LINGO3: variants seen among roughly 807,000 people sequenced by gnomAD.
LINGO3 encodes leucine-rich repeat and immunoglobulin-like domain-containing nogo receptor-interacting protein 3.
For synonymous variants in LINGO3, 427 were observed against 444.2 expected, an observed-to-expected ratio of 0.96 and a Z score of 0.49; for missense variants, 750 against 867.7, an observed-to-expected ratio of 0.86 and a Z score of 1.70.
the LINGO3 span, among the ~76,000 whole-genome samples, chr19:2,298,892 G>A: frequency 2.0e-5 from 3 of 152,100 alleles, no homozygotes; most frequent in African/African-American, 7.2e-5. Context: ...GGCAAAATCA[G>A]GAAGTTTCCT....
At chr19:2,291,472 G>A (rs771957087) in exon 1 of LINGO3, 60 of 1,612,548 alleles carry the variant, frequency 3.7e-5, no homozygotes, top group South Asian at 7.7e-5. Context: ...GCGCAGGCGC[G>A]GCAGGTTGGC....
chr19:2,307,315 A>T, the LINGO3 span, among the ~76,000 whole-genome samples: 3 of 152,162 alleles, frequency 2.0e-5, no homozygotes, highest in Non-Finnish European at 4.4e-5. Flanking sequence ...TTAGCGCCCC[A>T]AGCACACGTT....
Position 2,291,555 on chromosome 19 carries a change from C to G in LINGO3, c.222G>C (p.Leu74=), listed in dbSNP as rs368475120. 49 of 1,591,834 alleles carry G rather than the reference C, an allele frequency of 3.1e-5. No homozygotes were observed. In the African/African-American group the frequency reaches 6.3e-4, roughly 21 times the overall value. ...GCTCCTCCAGCGCGGGCAGCGCGGC[C>G]AGGTCGCCCGGGTTCAGGCAGCGGA... is the stretch of plus-strand genomic sequence containing the variant. The change falls in exon 1 of 1, where the codon CTG becomes CTC. Residue 74 remains leucine, a synonymous_variant. Coordinates refer to ENST00000585527, the Ensembl canonical transcript of LINGO3.
At chr19:2,298,309 C>T in the LINGO3 span, among the ~76,000 whole-genome samples, 3 of 151,994 alleles carry the variant, frequency 2.0e-5, no homozygotes, top group African/African-American at 7.2e-5. Context: ...CGGCTCACTG[C>T]AGCCTCCACC....
chr19:2,306,273 G>A, the LINGO3 span, among the ~76,000 whole-genome samples: 1 of 152,218 alleles, frequency 6.6e-6, no homozygotes, highest in Non-Finnish European at 1.5e-5. Context: ...TCTGACGCCA[G>A]CTCCTACCCA....
the LINGO3 span, among the ~76,000 whole-genome samples, chr19:2,303,784 G>A: frequency 5.3e-5 from 8 of 152,220 alleles, no homozygotes; most frequent in African/African-American, 1.9e-4. Flanking sequence ...TTACCCACAC[G>A]CAGAGCTGTG....
upstream of LINGO3, among the ~76,000 whole-genome samples, chr19:2,293,685 C>G (rs564989454): frequency 1.3e-5 from 2 of 151,770 alleles, no homozygotes; most frequent in African/African-American, 4.8e-5. Context: ...TATGAAATGT[C>G]CAGGACAGGC....
the LINGO3 span, among the ~76,000 whole-genome samples, chr19:2,297,086 C>T: frequency 4.6e-5 from 7 of 150,684 alleles, no homozygotes; most frequent in Non-Finnish European, 8.9e-5. Context: ...AGCGAGACTC[C>T]GTCTCAAAAA....
At chr19:2,293,045 C>T (rs909025370), upstream of LINGO3, among the ~76,000 whole-genome samples, 1 of 149,046 alleles carries the variant, frequency 6.7e-6, no homozygotes, top group Non-Finnish European at 1.5e-5. Context: ...CACAAAAGGC[C>T]ACACTGTATG....
At chr19:2,301,926 T>TA in the LINGO3 span, among the ~76,000 whole-genome samples, 1 of 69,912 alleles carries the variant, frequency 1.4e-5, no homozygotes. Flanking sequence ...AGACTCCATC[T>TA]CAAAAAAAAA....
At chr19:2,307,109 A>G in the LINGO3 span, among the ~76,000 whole-genome samples, 1 of 152,100 alleles carries the variant, frequency 6.6e-6, no homozygotes. Context: ...CCCCCCAGCC[A>G]AGCCCCAGAT....
At chr19:2,297,200 C>T in the LINGO3 span, among the ~76,000 whole-genome samples, 7 of 152,072 alleles carry the variant, frequency 4.6e-5, 1 homozygote, top group South Asian at 1.2e-3. Flanking sequence ...CCCTCACCCC[C>T]ACCCTAGACT....
At chr19:2,304,005 G>A in the LINGO3 span, among the ~76,000 whole-genome samples, 2 of 152,226 alleles carry the variant, frequency 1.3e-5, no homozygotes, top group African/African-American at 2.4e-5. Flanking sequence ...TGGGCTGAGC[G>A]AGTGAGAAGT....
chr19:2,292,379 T>C (rs1599164780), upstream of LINGO3, among the ~76,000 whole-genome samples: 2 of 85,542 alleles, frequency 2.3e-5, no homozygotes, highest in Admixed American at 1.8e-4. Flanking sequence ...GCCTGGGAGA[T>C]AGAGCAAAAA....
At chr19:2,289,950 C>G (rs1352096322) in exon 1 of LINGO3, 1 of 1,432,800 alleles carries the variant, frequency 7.0e-7, no homozygotes, top group South Asian at 1.3e-5. Flanking sequence ...GACACGCGAG[C>G]GGCCGGCCCG....
chr19:2,287,686 G>C (rs1346127549), downstream of LINGO3, among the ~76,000 whole-genome samples: 1 of 152,294 alleles, frequency 6.6e-6, no homozygotes, highest in African/African-American at 2.4e-5. This position sits in a 1 kb window ranked among gnomAD's most constrained non-coding sequence, Gnocchi z 4.5. Flanking sequence ...AGGGATCCAG[G>C]ATCCAAGTCA....
chr19:2,288,291 G>A (rs1307938627), downstream of LINGO3, among the ~76,000 whole-genome samples: 1 of 152,226 alleles, frequency 6.6e-6, no homozygotes, highest in African/African-American at 2.4e-5. This position sits in a 1 kb window ranked among gnomAD's most constrained non-coding sequence, Gnocchi z 6.5. Context: ...CCTGCAGGGT[G>A]AAGCCCTTGT....
chr19:2,290,685 C>T lies in LINGO3; in HGVS notation c.1092G>A (p.Val364=), dbSNP rs1291689648. Residue 364 remains valine (V), a synonymous_variant, in exon 1 of 1, where the codon GTG becomes GTA. Coordinates refer to ENST00000585527, the Ensembl canonical transcript of LINGO3. The surrounding 1 kb of genome is among the most constrained non-coding windows in gnomAD (Gnocchi z 6.0). ...CGAAGTTGAGGGTCTTGCGACGCTGCACGATCCACAGCAGGCGACAGTCGC... is the reference window on the plus strand; with the variant it reads ...CGAAGTTGAGGGTCTTGCGACGCTGTACGATCCACAGCAGGCGACAGTCGC... 2 of 1,610,104 alleles carry T rather than the reference C, an allele frequency of 1.2e-6. No homozygotes were observed. The highest frequency in any genetic ancestry group is 2.7e-5 in the African/African-American group (2 of 74,880).
chr19:2,305,178 C>T, the LINGO3 span, among the ~76,000 whole-genome samples: 2 of 152,112 alleles, frequency 1.3e-5, no homozygotes, highest in African/African-American at 2.4e-5. Flanking sequence ...GATCTGTGCA[C>T]CTGCCTTCTG....
Sources: gnomAD v4.1 joint callset for allele counts (sites outside exome capture counted in the v4.1 genomes callset) on GRCh38, gnomAD v4.1.1 for gene constraint, Gnocchi (gnomAD v3.1) non-coding constraint, MANE v1.5 for transcripts, NCBI Gene and HGNC (gene_info 2026-07-23, HGNC 2026-07-21) for gene names.